Variants in AKR7A2 observed in about 807,000 individuals in gnomAD.
AKR7A2 encodes aflatoxin B1 aldehyde reductase member 2.
A neutral mutation model predicts 37.3 loss-of-function variants in AKR7A2; 29 were observed. That is an observed-to-expected ratio of 0.78 (90% CI 0.58 to 1.06). AKR7A2 has a LOEUF of 1.06. Among genes scored for constraint, AKR7A2 ranks in the 50% least tolerant of loss-of-function variants. AKR7A2 has a pLI of 0.00. For missense variants in AKR7A2, 529 were observed against 497.9 expected (o/e 1.06, Z -0.59); for synonymous variants, 228 against 217.8 (o/e 1.05, Z -0.41).
chr1:19,308,025 G>A, intron 3 of AKR7A2, 133 bp downstream of exon 3: 2 of 1,163,474 alleles, frequency 1.7e-6, no homozygotes, highest in Non-Finnish European at 2.6e-6. Context: ...GAGGGTACAT[G>A]GGAGCCATCT....
At chr1:19,304,507 C>T (rs1312156899) in intron 6 of AKR7A2, 121 bp from the exon 7 acceptor site, 2 of 1,558,208 alleles carry the variant, frequency 1.3e-6, no homozygotes, top group African/African-American at 1.4e-5. Context: ...TCTTGTATGT[C>T]CAGAAAGGAC....
At position 19,311,900 on chromosome 1, in the gene AKR7A2, G is replaced by A. The variant is rs755281369; in HGVS notation, c.225C>T (p.Phe75=). 6.2e-7 allele frequency: 1 copy of A among 1,610,746 alleles called. No individual in the cohort carries two copies. The highest frequency in any genetic ancestry group is 1.1e-5 in the South Asian group (1 of 90,950). The change falls in exon 1 of 7, where the codon TTC becomes TTT. Residue 75 remains phenylalanine, a synonymous_variant. Coordinates refer to ENST00000235835, the MANE Select transcript of AKR7A2 (RefSeq NM_003689.4). ...ERGHTELDTA[F]MYSDGQSETI... ...TCTCGGACTGGCCGTCGCTGTACATGAAGGCCGTGTCCAGTTCGGTGTGGC... is the reference window on the plus strand; with the variant it reads ...TCTCGGACTGGCCGTCGCTGTACATAAAGGCCGTGTCCAGTTCGGTGTGGC...
chr1:19,308,760 A>G, intron 1 of AKR7A2, 118 bp from the exon 2 acceptor site: 2 of 1,027,644 alleles, frequency 1.9e-6, no homozygotes, highest in South Asian at 2.7e-5. Flanking sequence ...AAATGGGGTG[A>G]TAATAATCAA....
chr1:19,310,964 C>T (rs1001512741), intron 1 of AKR7A2, among the ~76,000 whole-genome samples: 1 of 152,216 alleles, frequency 6.6e-6, no homozygotes, highest in Non-Finnish European at 1.5e-5. Flanking sequence ...CTCCATCCTC[C>T]ACTCAAGCCC....
At position 19,307,298 on chromosome 1, in the gene AKR7A2, G is replaced by A; in HGVS notation, c.688+16C>T. 6.2e-7 allele frequency: 1 copy of A among 1,612,780 alleles called. No individual in the cohort carries two copies. The highest frequency in any genetic ancestry group is 8.5e-7 in the Non-Finnish European group (1 of 1,179,948). On this transcript the variant is annotated intron_variant, in intron 4 of 6. Transcript: ENST00000235835. Reference sequence around the variant, plus strand: ...TCAGGAATAGGCTGAGACAGGGTCAGGAATGCTCCACGTACCAGCCAGAGG... The same window carrying A: ...TCAGGAATAGGCTGAGACAGGGTCAAGAATGCTCCACGTACCAGCCAGAGG...
rs767210387 is a variant in AKR7A2, at chr1:19,308,445, GC to G, written c.486+9del. On this transcript the variant is annotated intron_variant, in intron 2 of 6. Coordinates refer to ENST00000235835, the MANE Select transcript of AKR7A2 (RefSeq NM_003689.4). Reference sequence around the variant, plus strand: ...GGAGCCCACCTTTGGAGCTCGGAGGGCCCCCTCACCTCCTGGTGCAGCCGCT... The same window carrying G: ...GGAGCCCACCTTTGGAGCTCGGAGGGCCCCTCACCTCCTGGTGCAGCCGCT... The G allele has an allele frequency of 6.2e-7, 1 of 1,613,106 alleles. No homozygotes were observed.
chr1:19,309,340 C>T (rs1050353922), intron 1 of AKR7A2, among the ~76,000 whole-genome samples: 1 of 152,176 alleles, frequency 6.6e-6, no homozygotes, highest in African/African-American at 2.4e-5. Context: ...CCTGTGTTCA[C>T]ACTTGGCTGC....
chr1:19,311,531 A>G (rs945984764), intron 1 of AKR7A2, among the ~76,000 whole-genome samples: 4 of 151,878 alleles, frequency 2.6e-5, no homozygotes, highest in African/African-American at 9.7e-5. Context: ...GGTTGTGGGC[A>G]CCTGGCAGGT....
rs555121069 is a variant in AKR7A2, at chr1:19,311,200, A to G, written c.298+627T>C. On this transcript the variant is annotated intron_variant, in intron 1 of 6. Coordinates refer to ENST00000235835, the MANE Select transcript of AKR7A2 (RefSeq NM_003689.4). ...GGGCTCTCCAGCAATCATTACTTCAATCTTCCTCATTAGACTCTGAACTCC... is the reference window on the plus strand; with the variant it reads ...GGGCTCTCCAGCAATCATTACTTCAGTCTTCCTCATTAGACTCTGAACTCC... Among the ~76,000 whole-genome samples, 10 of 152,212 alleles carry G rather than the reference A, an allele frequency of 6.6e-5. No homozygotes were observed. The East Asian group carries it at 1.2e-3, about 18-fold the overall frequency.
downstream of AKR7A2, among the ~76,000 whole-genome samples, chr1:19,303,591 G>T (rs2093755835): frequency 6.6e-6 from 1 of 152,178 alleles, no homozygotes; most frequent in Non-Finnish European, 1.5e-5. Flanking sequence ...GACAAGAGGA[G>T]GCTAAGATTG....
At chr1:19,303,826 C>T (rs941913618), downstream of AKR7A2, 5 of 328,414 alleles carry the variant, frequency 1.5e-5, no homozygotes, top group African/African-American at 6.4e-5. Context: ...ACCAGGGGCC[C>T]GAGGAGACCC....
chr1:19,307,469 T>G, intron 3 of AKR7A2, 59 bp from the exon 4 acceptor site: 1 of 1,581,476 alleles, frequency 6.3e-7, no homozygotes, highest in Non-Finnish European at 8.7e-7. Context: ...AACTGTTGCC[T>G]TCCACTTTCA....
Position 19,308,076 on chromosome 1 carries a change from CA to C in AKR7A2, c.591+81del, listed in dbSNP as rs1352987865. ...GGGAGTGGCTGCTATGCAGACGGCA[CA>C]GGGGGCAGTCAGGGGGGCAAAGAGA... On this transcript the variant is annotated intron_variant, in intron 3 of 6. Transcript: ENST00000235835. 5.1e-6 allele frequency: 8 copies of C among 1,566,494 alleles called. No individual in the cohort carries two copies. The African/African-American group carries it at 6.8e-5, about 13-fold the overall frequency.
At position 19,304,403 on chromosome 1, in the gene AKR7A2, C is replaced by T; in HGVS notation, c.919-17G>A. ...GTGGGCACCCTGCAAGGGAGACGGC[C>T]AGACTTCAACCCTCTTCTGCTGCAC... On this transcript the variant is annotated splice_polypyrimidine_tract_variant and intron_variant, in intron 6 of 6. Transcript: ENST00000235835. 6.2e-7 allele frequency: 1 copy of T among 1,613,912 alleles called. No individual in the cohort carries two copies. The highest frequency in any genetic ancestry group is 8.5e-7 in the Non-Finnish European group (1 of 1,179,878).
In AKR7A2 at chr1:19,306,348, TG is replaced by T. The variant is rs572623635; in HGVS notation, c.789-202del. Among the ~76,000 whole-genome samples the T allele has an allele frequency of 3.2e-4, 49 of 152,246 alleles. No individual in the cohort carries two copies. In the East Asian group the frequency reaches 5.8e-3, roughly 18 times the overall value. On this transcript the variant is annotated intron_variant, in intron 5 of 6. Coordinates refer to ENST00000235835, the MANE Select transcript of AKR7A2 (RefSeq NM_003689.4). Reference sequence around the variant, plus strand: ...CTGGGCCCCTCAGCAGAGACCTCAATGGATCTTTACTCCTGAGGACTCAGTA... The same window carrying T: ...CTGGGCCCCTCAGCAGAGACCTCAATGATCTTTACTCCTGAGGACTCAGTA...
At chr1:19,309,121 G>C (rs2093767679) in intron 1 of AKR7A2, among the ~76,000 whole-genome samples, 1 of 152,184 alleles carries the variant, frequency 6.6e-6, no homozygotes. Flanking sequence ...CCAGAGCATG[G>C]GAACCCATGC....
In AKR7A2 at chr1:19,304,256, A is replaced by G. The variant is rs748386566; in HGVS notation, c.1049T>C (p.Val350Ala). 3.1e-6 allele frequency: 5 copies of G among 1,614,152 alleles called. No homozygotes were observed. The East Asian group carries it at 1.1e-4, about 36-fold the overall frequency. Residue 350 changes from valine to alanine, a missense_variant, in exon 7 of 7, where the codon GTT (valine) becomes GCT (alanine). Physicochemically the swap from Val to Ala is moderately conservative, Grantham distance 64 (BLOSUM62 0). Transcript: ENST00000235835. The stretch of plus-strand genomic sequence containing the variant: ...GAAGTAGTTGGGACATTCGTGAGCA[A>G]CCAAATGCCAGGCTTGATTAAAGGC... Reference protein sequence around the residue: ...VDAFNQAWHLVAHECPNYFR With the variant: ...VDAFNQAWHLAAHECPNYFR
rs186859775 is a variant in AKR7A2, at chr1:19,312,077, G to C, written c.48C>G (p.Cys16Trp). The change falls in exon 1 of 7, where the codon TGC becomes TGG. Residue 16 changes from cysteine to tryptophan, a missense_variant. Cys to Trp is a radical substitution (Grantham distance 215). Transcript: ENST00000235835. ...SRVVSRAAVH[C>W]ALRSPPPEAR... The stretch of plus-strand genomic sequence containing the variant: ...CCTCGGGCGGCGGAGAGCGAAGCGC[G>C]CAGTGGACGGCGGCGCGGGAGACTA... 2 of 1,348,254 alleles carry C rather than the reference G, an allele frequency of 1.5e-6. No homozygotes were observed. The highest frequency in any genetic ancestry group is 1.9e-6 in the Non-Finnish European group (2 of 1,059,110). The allele number at this position is 1,348,254 out of a possible 1,614,324, so 83.5% of individuals were successfully genotyped here.
chr1:19,311,901 A>AC lies in AKR7A2; in HGVS notation c.223_224insG (p.Phe75CysfsTer43). ...CTCGGACTGGCCGTCGCTGTACATG[A>AC]AGGCCGTGTCCAGTTCGGTGTGGCC... On this transcript the variant is annotated frameshift_variant, in exon 1 of 7. Coordinates refer to ENST00000235835, the MANE Select transcript of AKR7A2 (RefSeq NM_003689.4). LOFTEE classifies it high-confidence loss of function. 6.2e-7 allele frequency: 1 copy of AC among 1,610,756 alleles called. No individual in the cohort carries two copies. The highest frequency in any genetic ancestry group is 8.5e-7 in the Non-Finnish European group (1 of 1,179,500).
Sources: allele counts gnomAD v4.1 joint callset (sites outside exome capture counted in the v4.1 genomes callset), GRCh38; gene constraint gnomAD v4.1.1; transcripts MANE v1.5; gene names NCBI Gene and HGNC (gene_info 2026-07-23, HGNC 2026-07-21).